TRPC7: variants seen among roughly 807,000 people sequenced by gnomAD.
TRPC7 encodes the protein short transient receptor potential channel 7.
In TRPC7, 42 loss-of-function variants were observed where a neutral mutation model predicts 90.1. The ratio of observed to expected loss-of-function variants is 0.47; its 90% CI spans 0.36 to 0.60. The LOEUF (loss-of-function observed/expected upper bound fraction) is 0.60, where lower values mean the gene tolerates loss of function less well. TRPC7 is among the 20% of genes least tolerant of loss of function. The pLI, the probability that TRPC7 is intolerant of heterozygous loss-of-function variation, is 0.00. For synonymous variants in TRPC7, 451 were observed against 436.3 expected (o/e 1.03, Z -0.42); for missense variants, 955 against 1,112.3 (o/e 0.86, Z 2.01).
chr5:136,220,380 C>T (rs888426637), intron 10 of TRPC7, among the ~76,000 whole-genome samples: 2 of 152,094 alleles, frequency 1.3e-5, no homozygotes, highest in Non-Finnish European at 2.9e-5. Flanking sequence ...ATAATTAAGA[C>T]CCTGGGAAAG....
chr5:136,225,476 G>T, intron 9 of TRPC7, 122 bp from the exon 10 acceptor site: 1 of 915,630 alleles, frequency 1.1e-6, no homozygotes, highest in Non-Finnish European at 1.6e-6. Context: ...GCTTTTGAAA[G>T]CTGATTTACC....
At chr5:136,231,627 CAG>C (rs1348322239) in intron 7 of TRPC7, 78 bp from the exon 8 acceptor site, 33 of 1,353,638 alleles carry the variant, frequency 2.4e-5, no homozygotes, top group Non-Finnish European at 3.1e-5. Context: ...TATCTTGAGA[CAG>C]GGTCTCACTC....
At chr5:136,364,619 T>C (rs1194093735) in intron 1 of TRPC7, among the ~76,000 whole-genome samples, 2 of 152,162 alleles carry the variant, frequency 1.3e-5, no homozygotes, top group African/African-American at 2.4e-5. Context: ...AGCATTTTGG[T>C]TGTGTCTACT....
chr5:136,294,521 C>CA (rs973199453), intron 3 of TRPC7, among the ~76,000 whole-genome samples: 8 of 151,842 alleles, frequency 5.3e-5, no homozygotes, highest in Admixed American at 2.6e-4. Context: ...TTTATGCAGC[C>CA]AAAAAACACA....
At position 136,213,273 on chromosome 5, in the gene TRPC7, G is replaced by A. The variant is rs1312886472; in HGVS notation, c.*162C>T. The A allele has an allele frequency of 1.1e-5, 8 of 725,932 alleles. No individual in the cohort carries two copies. The highest frequency in any genetic ancestry group is 1.8e-5 in the Non-Finnish European group (8 of 444,216). 45.0% of individuals were successfully genotyped at this position (725,932 alleles called of 1,614,324 possible). A position where few individuals can be genotyped will look rare whatever the true frequency, so the allele number is the denominator to read the frequency against. On this transcript the variant is annotated 3_prime_UTR_variant, in exon 12 of 12. Transcript: ENST00000513104. The stretch of plus-strand genomic sequence containing the variant: ...AGCAGTTCTGGGTCTAGGCAGGCCA[G>A]CGGGCTGGAGATGTCAGTCATGCTG...
chr5:136,297,735 G>A (rs1758231689), intron 3 of TRPC7, among the ~76,000 whole-genome samples: 1 of 152,138 alleles, frequency 6.6e-6, no homozygotes, highest in Admixed American at 6.5e-5. Context: ...CATAAGTCAT[G>A]TTCTGAGTTT....
At chr5:136,350,172 C>G (rs1019681299) in intron 2 of TRPC7, among the ~76,000 whole-genome samples, 5 of 152,306 alleles carry the variant, frequency 3.3e-5, no homozygotes, top group African/African-American at 1.2e-4. Flanking sequence ...TTAAGTAACA[C>G]ATGACTGTAT....
intron 3 of TRPC7, 126 bp downstream of exon 3, chr5:136,315,470 TA>T: frequency 2.0e-6 from 2 of 1,025,454 alleles, no homozygotes; most frequent in Non-Finnish European, 2.8e-6. Context: ...GCTCCCTGTC[TA>T]AAGAGAATCT....
rs1280213824 is a variant in TRPC7 at position 136,279,901 on chromosome 5, C to A, written c.964-5064G>T. Among the ~76,000 whole-genome samples, 3 of 152,190 alleles carry A rather than the reference C, an allele frequency of 2.0e-5. No homozygotes were observed. In the East Asian group the frequency reaches 5.8e-4, roughly 29 times the overall value. On this transcript the variant is annotated intron_variant, in intron 3 of 11. Coordinates refer to ENST00000513104, the MANE Select transcript of TRPC7 (RefSeq NM_020389.3). ...CACCTCAGCAGCCTTCAAGACCCAA[C>A]TTCCCCTTTGGGAGGCCAAGGTGGG...
chr5:136,295,088 T>A (rs1021100984), intron 3 of TRPC7, among the ~76,000 whole-genome samples: 1 of 148,258 alleles, frequency 6.7e-6, no homozygotes, highest in Non-Finnish European at 1.5e-5. Context: ...AATTGAACAA[T>A]GAGAACACAT....
chr5:136,350,179 G>C (rs1760144812), intron 2 of TRPC7, among the ~76,000 whole-genome samples: 1 of 152,160 alleles, frequency 6.6e-6, no homozygotes, highest in African/African-American at 2.4e-5. Flanking sequence ...ACACATGACT[G>C]TATCCTACCC....
chr5:136,329,099 C>CA (rs1759424015), intron 2 of TRPC7, among the ~76,000 whole-genome samples: 1 of 152,182 alleles, frequency 6.6e-6, no homozygotes, highest in South Asian at 2.1e-4. Flanking sequence ...CAGCTACTGA[C>CA]ATTGTGAGGG....
At chr5:136,283,740 A>G (rs886748968) in intron 3 of TRPC7, among the ~76,000 whole-genome samples, 1 of 152,182 alleles carries the variant, frequency 6.6e-6, no homozygotes, top group Non-Finnish European at 1.5e-5. Flanking sequence ...CAGATTTCTT[A>G]CTTCTGGGAA....
At chr5:136,301,903 C>T (rs1254732288) in intron 3 of TRPC7, among the ~76,000 whole-genome samples, 3 of 152,216 alleles carry the variant, frequency 2.0e-5, no homozygotes, top group Admixed American at 6.5e-5. Flanking sequence ...CTGCTCTTTG[C>T]TCCATGAGAA....
chr5:136,365,238 A>T lies in TRPC7; in HGVS notation c.2+15T>A. On this transcript the variant is annotated intron_variant, in intron 1 of 11. Transcript: ENST00000513104. ...AAAAAAAAATCAATATGAAAGAACC[A>T]TCATAGCTGCTTACATTGAGGGTGT... The T allele has an allele frequency of 6.5e-7, 1 of 1,537,056 alleles. No individual in the cohort carries two copies. The highest frequency in any genetic ancestry group is 8.7e-7 in the Non-Finnish European group (1 of 1,146,772).
chr5:136,301,921 C>T (rs912312645), intron 3 of TRPC7, among the ~76,000 whole-genome samples: 3 of 152,214 alleles, frequency 2.0e-5, no homozygotes, highest in African/African-American at 4.8e-5. Context: ...GAAAGATCCA[C>T]CTACGACCTC....
intron 2 of TRPC7, among the ~76,000 whole-genome samples, chr5:136,353,609 T>C (rs1181388094): frequency 6.6e-6 from 1 of 152,228 alleles, no homozygotes; most frequent in Non-Finnish European, 1.5e-5. Context: ...AGAAGATTTA[T>C]AATGTCAGGA....
At chr5:136,313,229 G>T (rs1301843580) in intron 3 of TRPC7, among the ~76,000 whole-genome samples, 1 of 151,954 alleles carries the variant, frequency 6.6e-6, no homozygotes, top group Non-Finnish European at 1.5e-5. Context: ...TTTTTTTAAG[G>T]TAATACTTAT....
chr5:136,274,620 TAAG>T, intron 4 of TRPC7, 50 bp downstream of exon 4: 2 of 1,504,622 alleles, frequency 1.3e-6, no homozygotes, highest in Non-Finnish European at 8.9e-7. Flanking sequence ...CAGATCATGC[TAAG>T]AAGAGAGAAG....
Sources: allele counts gnomAD v4.1 joint callset (sites outside exome capture counted in the v4.1 genomes callset), GRCh38; gene constraint gnomAD v4.1.1; transcripts MANE v1.5; gene names NCBI Gene and HGNC (gene_info 2026-07-23, HGNC 2026-07-21).